The following SERTM1 variants were observed in gnomAD, a reference collection of about 807,000 sequenced individuals.
The protein encoded by SERTM1 is serine rich and transmembrane domain containing 1, also known as serine-rich and transmembrane domain-containing protein 1.
A neutral mutation model predicts 5.5 loss-of-function variants in SERTM1; 1 was observed. The ratio of observed to expected loss-of-function variants is 0.18; its 90% confidence interval spans 0.06 to 0.86. SERTM1 has a LOEUF of 0.86. Among genes scored for constraint, SERTM1 ranks in the 40% least tolerant of loss-of-function variants. SERTM1 has a pLI of 0.69. For missense variants in SERTM1, 91 were observed against 122.4 expected (o/e 0.74, Z 1.21); for synonymous variants, 52 against 55.1 (o/e 0.94, Z 0.25).
At chr13:36,690,820 C>T (rs1448994729) in intron 1 of SERTM1, among the ~76,000 whole-genome samples, 1 of 152,150 alleles carries the variant, frequency 6.6e-6, no homozygotes, top group Non-Finnish European at 1.5e-5. Flanking sequence ...TGTGTTAATA[C>T]TTTGTGGCCA....
intron 1 of SERTM1, among the ~76,000 whole-genome samples, chr13:36,679,940 A>G (rs1455536493): frequency 6.6e-6 from 1 of 152,226 alleles, no homozygotes; most frequent in Non-Finnish European, 1.5e-5. Context: ...TCATGCAAAA[A>G]AAAATATTAA....
chr13:36,695,282 T>C lies in SERTM1; in HGVS notation c.204T>C (p.Asn68=). 6.2e-7 allele frequency: 1 copy of C among 1,614,172 alleles called. No homozygotes were observed. The highest frequency in any genetic ancestry group is 8.5e-7 in the Non-Finnish European group (1 of 1,180,008). The stretch of plus-strand genomic sequence containing the variant: ...TCATTGCCCTCCAGAGGCTCAAAAA[T>C]ATCATCTCCTCCAGTTCCTCCTACC... ...LLIIALQRLK[N]IISSSSSYPE... is the part of the protein sequence containing the mutation. The change falls in exon 2 of 2, where the codon AAT becomes AAC. Residue 68 remains asparagine, a synonymous_variant. Transcript: ENST00000315190.
Position 36,695,329 on chromosome 13 carries a change from G to C in SERTM1, c.251G>C (p.Gly84Ala), listed in dbSNP as rs757813662. Residue 84 changes from glycine (G) to alanine (A), a missense_variant, in exon 2 of 2, where the codon GGA becomes GCA. Coordinates refer to ENST00000315190, the MANE Select transcript of SERTM1 (RefSeq NM_203451.3). ...SSYPEYPSDA[G>A]SSFTNLEVCS... ...TACCCAGAGTATCCAAGCGACGCTG[G>C]AAGTTCTTTCACCAATTTGGAAGTC... The C allele has an allele frequency of 6.2e-7, 1 of 1,614,152 alleles. No homozygotes were observed. The highest frequency in any genetic ancestry group is 8.5e-7 in the Non-Finnish European group (1 of 1,180,034).
In SERTM1 at chr13:36,693,890, A is replaced by G. The variant is rs549365188; in HGVS notation, c.-173-1016A>G. ...CTAGAAGAAAGACTTATCTATCAGG[A>G]GGGATCCTCTTGTCTCACAACCTGA... On this transcript the variant is annotated intron_variant, in intron 1 of 1. Transcript: ENST00000315190. Among the ~76,000 whole-genome samples, 5 of 152,304 alleles carry G rather than the reference A, an allele frequency of 3.3e-5. No individual in the cohort carries two copies. In the East Asian group the frequency reaches 7.7e-4, roughly 23 times the overall value.
At chr13:36,677,095 G>A (rs145177323) in intron 1 of SERTM1, among the ~76,000 whole-genome samples, 10 of 152,246 alleles carry the variant, frequency 6.6e-5, no homozygotes, top group African/African-American at 2.4e-4. Context: ...CTGATTTGTG[G>A]CAGATGTATC....
chr13:36,678,821 C>A (rs1237446794), intron 1 of SERTM1, among the ~76,000 whole-genome samples: 1 of 151,864 alleles, frequency 6.6e-6, no homozygotes, highest in African/African-American at 2.4e-5. Context: ...CAGAATACAT[C>A]TTTGTGCATG....
intron 1 of SERTM1, among the ~76,000 whole-genome samples, chr13:36,676,137 A>G (rs1400476506): frequency 6.6e-6 from 1 of 152,102 alleles, no homozygotes; most frequent in Non-Finnish European, 1.5e-5. Flanking sequence ...GAGAGAGTTT[A>G]TTTGCAGGTT....
In SERTM1 at chr13:36,691,390, T is replaced by C. The variant is rs1354528779; in HGVS notation, c.-173-3516T>C. 2.0e-5 allele frequency among the ~76,000 whole-genome samples: 3 copies of C among 152,294 alleles called. 1 individual carries two copies. Among genetic ancestry groups the C allele is most frequent in the South Asian group, 4.2e-4 (2 of 4,818 alleles). ...TGTGCGCTGTCTTACGTTGTCTCTC[T>C]GTTTCCCCACCCCACTGGGCACATG... is the stretch of plus-strand genomic sequence containing the variant. On this transcript the variant is annotated intron_variant, in intron 1 of 1. Coordinates refer to ENST00000315190, the MANE Select transcript of SERTM1 (RefSeq NM_203451.3).
At chr13:36,680,509 T>C (rs1029277059) in intron 1 of SERTM1, among the ~76,000 whole-genome samples, 5 of 152,210 alleles carry the variant, frequency 3.3e-5, no homozygotes, top group African/African-American at 1.2e-4. Context: ...AAGGGGGTGC[T>C]AGGCCCTCAA....
rs1395664382 is a variant in SERTM1 at position 36,695,982 on chromosome 13, T to A, written c.*580T>A. 6.0e-6 allele frequency: 1 copy of A among 167,198 alleles called. No homozygotes were observed. The highest frequency in any genetic ancestry group is 1.5e-5 in the Non-Finnish European group (1 of 68,228). The allele number at this position is 167,198 out of a possible 1,614,324, so 10.4% of individuals were successfully genotyped here. A position where few individuals can be genotyped will look rare whatever the true frequency, so the allele number is the denominator to read the frequency against. On this transcript the variant is annotated 3_prime_UTR_variant, in exon 2 of 2. Transcript: ENST00000315190. ...AGTAAAAATCACACTTATTGATGAA[T>A]GTAAGTCATTTGGGAAAGTTTTGGA...
At chr13:36,687,466 C>CAAT (rs1456481988) in intron 1 of SERTM1, among the ~76,000 whole-genome samples, 1 of 151,638 alleles carries the variant, frequency 6.6e-6, no homozygotes, top group East Asian at 1.9e-4. Context: ...TCTTGCATTA[C>CAAT]ATTAAGGGGA....
At chr13:36,690,915 A>T (rs1466200282) in intron 1 of SERTM1, among the ~76,000 whole-genome samples, 1 of 152,240 alleles carries the variant, frequency 6.6e-6, no homozygotes, top group Admixed American at 6.5e-5. Flanking sequence ...GGCATCTAAC[A>T]GCCAGGCCAC....
chr13:36,689,048 G>A (rs1432549449), intron 1 of SERTM1, among the ~76,000 whole-genome samples: 1 of 152,142 alleles, frequency 6.6e-6, no homozygotes, highest in Non-Finnish European at 1.5e-5. Flanking sequence ...AAAATGCTAT[G>A]CCTGGACCTG....
At chr13:36,674,641 G>A (rs1272613476) in intron 1 of SERTM1, among the ~76,000 whole-genome samples, 2 of 152,022 alleles carry the variant, frequency 1.3e-5, no homozygotes, top group Admixed American at 6.5e-5. Flanking sequence ...GTGTGTGGAG[G>A]GTCATTCTTG....
intron 1 of SERTM1, among the ~76,000 whole-genome samples, chr13:36,678,247 C>T (rs2056681606): frequency 6.6e-6 from 1 of 152,124 alleles, no homozygotes; most frequent in Admixed American, 6.5e-5. Flanking sequence ...AACATGCCCC[C>T]ATAATACTAC....
chr13:36,675,321 C>CT (rs2056662905), intron 1 of SERTM1, among the ~76,000 whole-genome samples: 2 of 152,216 alleles, frequency 1.3e-5, no homozygotes, highest in Admixed American at 1.3e-4. Context: ...GGCGGGGAAA[C>CT]TGACAGCGTT....
intron 1 of SERTM1, among the ~76,000 whole-genome samples, chr13:36,683,214 GCTTGTTAAGGAACA>G (rs2056717441): frequency 6.6e-6 from 1 of 152,274 alleles, no homozygotes; most frequent in South Asian, 2.1e-4. Flanking sequence ...TCATATTTGA[GCTTGTTAAGGAACA>G]TGTCTTTGGC....
intron 1 of SERTM1, among the ~76,000 whole-genome samples, chr13:36,675,588 A>C (rs1012646572): frequency 6.6e-6 from 1 of 152,228 alleles, no homozygotes; most frequent in Non-Finnish European, 1.5e-5. Flanking sequence ...GATCATGCCC[A>C]TAGAGGTTCT....
intron 1 of SERTM1, among the ~76,000 whole-genome samples, chr13:36,676,444 C>T (rs1284333254): frequency 6.6e-6 from 1 of 151,710 alleles, no homozygotes; most frequent in Non-Finnish European, 1.5e-5. Context: ...ACAGTTTGTA[C>T]GAGCATTTTT....
Sources: gnomAD v4.1 joint callset for allele counts (sites outside exome capture counted in the v4.1 genomes callset) on GRCh38, gnomAD v4.1.1 for gene constraint, MANE v1.5 for transcripts, NCBI Gene and HGNC (gene_info 2026-07-23, HGNC 2026-07-21) for gene names.